Variants in ZHX2 observed in about 807,000 individuals in gnomAD.
ZHX2 encodes zinc fingers and homeoboxes protein 2.
In ZHX2, 6 loss-of-function variants were observed where a neutral mutation model predicts 21.9. That is an observed-to-expected ratio of 0.27 (90% confidence interval 0.15 to 0.54). The LOEUF (loss-of-function observed/expected upper bound fraction) is 0.54. ZHX2 is among the 20% of genes least tolerant of loss of function. The probability of loss-of-function intolerance (pLI) is 0.95; values close to 1 mark genes in which losing one functional copy is unlikely to be tolerated. For synonymous variants in ZHX2, 434 were observed against 437.1 expected (o/e 0.99, Z 0.09); for missense variants, 908 against 1,090.7 (o/e 0.83, Z 2.36).
chr8:122,875,031 G>A (rs1819529035), intron 2 of ZHX2, among the ~76,000 whole-genome samples: 1 of 150,404 alleles, frequency 6.6e-6, no homozygotes, highest in African/African-American at 2.5e-5. Flanking sequence ...CACCATGGCT[G>A]GTTTTATTTT....
rs113840956 is a variant in ZHX2, at chr8:122,828,902, CATTT to C, written c.-282-34568_-282-34565del. On this transcript the variant is annotated intron_variant, in intron 1 of 3. Coordinates refer to ENST00000314393, the MANE Select transcript of ZHX2 (RefSeq NM_014943.5). The surrounding 1 kb of genome is among the most constrained non-coding windows in gnomAD (Gnocchi z 5.2). ...ACCCAGGAGATGGCAGATAATAATTCATTTATTTATCCACTACAAATTGAAGAAA... is the reference window on the plus strand; with the variant it reads ...ACCCAGGAGATGGCAGATAATAATTCATTTATCCACTACAAATTGAAGAAA... Among the ~76,000 whole-genome samples, 2,869 of 152,098 alleles carry C rather than the reference CATTT, an allele frequency of 0.019. 65 individuals carry two copies. The highest frequency in any genetic ancestry group is 0.064 in the African/African-American group (2,670 of 41,464).
chr8:122,954,137 G>T lies in ZHX2; in HGVS notation c.*4+109G>T, dbSNP rs569430479. ...TACAGAGATGTTGACACAGATGGTG[G>T]CGTCTTTTTCTTGTAATTAACAAAT... On this transcript the variant is annotated intron_variant, in intron 3 of 3. Transcript: ENST00000314393. 7.1e-5 allele frequency: 71 copies of T among 1,003,940 alleles called. No homozygotes were observed. In the African/African-American group the frequency reaches 1.1e-3, roughly 15 times the overall value. 62.2% of individuals were successfully genotyped at this position (1,003,940 alleles called of 1,614,324 possible).
chr8:122,849,045 C>T (rs1818824538), intron 1 of ZHX2, among the ~76,000 whole-genome samples: 2 of 152,198 alleles, frequency 1.3e-5, no homozygotes, highest in Non-Finnish European at 2.9e-5. Flanking sequence ...CTCAGCAAAG[C>T]CCTGAATCCA....
At chr8:122,886,199 G>T (rs886438033) in intron 2 of ZHX2, among the ~76,000 whole-genome samples, 1 of 152,180 alleles carries the variant, frequency 6.6e-6, no homozygotes, top group African/African-American at 2.4e-5. Context: ...AACCTTCAAT[G>T]CATATTGCTA....
intron 2 of ZHX2, among the ~76,000 whole-genome samples, chr8:122,944,248 C>G (rs1321554563): frequency 6.6e-6 from 1 of 152,182 alleles, no homozygotes; most frequent in Non-Finnish European, 1.5e-5. Flanking sequence ...GACATTTACC[C>G]TCTCTGGTCT....
intron 2 of ZHX2, among the ~76,000 whole-genome samples, chr8:122,873,928 A>C (rs1038439874): frequency 6.6e-6 from 1 of 152,204 alleles, no homozygotes; most frequent in African/African-American, 2.4e-5. Flanking sequence ...GCAGTTTCTC[A>C]GACTCTGACG....
At chr8:122,957,480 T>C (rs2130319768) in intron 3 of ZHX2, among the ~76,000 whole-genome samples, 1 of 152,122 alleles carries the variant, frequency 6.6e-6, no homozygotes, top group East Asian at 1.9e-4. Context: ...TGTTTTGTTT[T>C]GTTTTGAGAT....
intron 3 of ZHX2, among the ~76,000 whole-genome samples, chr8:122,960,144 G>T (rs1050924021): frequency 1.3e-5 from 2 of 152,172 alleles, no homozygotes; most frequent in Admixed American, 1.3e-4. Context: ...AAACAAAAAT[G>T]AAAGTTGCTA....
At chr8:122,836,309 G>A (rs1309240869) in intron 1 of ZHX2, among the ~76,000 whole-genome samples, 2 of 152,142 alleles carry the variant, frequency 1.3e-5, no homozygotes, top group Non-Finnish European at 2.9e-5. Flanking sequence ...ACCAGTAGGC[G>A]AGATCAGTGA....
intron 1 of ZHX2, among the ~76,000 whole-genome samples, chr8:122,854,004 G>T (rs993096779): frequency 6.6e-6 from 1 of 152,146 alleles, no homozygotes; most frequent in Non-Finnish European, 1.5e-5. Context: ...TCCTGAGAGC[G>T]CCTCAGTGAA....
At chr8:122,836,683 C>G (rs1818505482) in intron 1 of ZHX2, among the ~76,000 whole-genome samples, 1 of 152,238 alleles carries the variant, frequency 6.6e-6, no homozygotes, top group African/African-American at 2.4e-5. Flanking sequence ...TGGATGGCCT[C>G]TTTCTTGATC....
chr8:122,954,706 C>T (rs1003790369), intron 3 of ZHX2, among the ~76,000 whole-genome samples: 4 of 152,162 alleles, frequency 2.6e-5, no homozygotes, highest in African/African-American at 4.8e-5. Flanking sequence ...GGGGCAGCAC[C>T]GCTGGCTGTG....
intron 1 of ZHX2, among the ~76,000 whole-genome samples, chr8:122,829,939 A>G (rs1325134190): frequency 6.6e-6 from 1 of 152,200 alleles, no homozygotes; most frequent in Non-Finnish European, 1.5e-5. Context: ...GAGAGTCTGA[A>G]TGTGCCACAT....
chr8:122,859,038 A>G (rs1819102192), intron 1 of ZHX2, among the ~76,000 whole-genome samples: 1 of 152,182 alleles, frequency 6.6e-6, no homozygotes, highest in South Asian at 2.1e-4. Context: ...CCCCTCCACA[A>G]CCCAAGGAGG....
chr8:122,935,620 C>T (rs1428067491), intron 2 of ZHX2, among the ~76,000 whole-genome samples: 1 of 150,816 alleles, frequency 6.6e-6, no homozygotes, highest in Non-Finnish European at 1.5e-5. Flanking sequence ...ACTGCAAGCT[C>T]CGCCTCCCAA....
At chr8:122,788,683 C>T (rs1289908254) in intron 1 of ZHX2, among the ~76,000 whole-genome samples, 3 of 152,184 alleles carry the variant, frequency 2.0e-5, no homozygotes, top group Non-Finnish European at 4.4e-5. Flanking sequence ...CAGTCTGATT[C>T]CAGAGCTTTC....
At chr8:122,822,949 A>T (rs1284229124) in intron 1 of ZHX2, among the ~76,000 whole-genome samples, 1 of 152,236 alleles carries the variant, frequency 6.6e-6, no homozygotes, top group East Asian at 1.9e-4. Context: ...ATCCGATTTC[A>T]GCTGTGAGAA....
rs1034251556 is a variant in ZHX2 at position 122,951,441 on chromosome 8, C to T, written c.-70C>T. 6.5e-6 allele frequency: 9 copies of T among 1,378,454 alleles called. No homozygotes were observed. In the East Asian group the frequency reaches 7.4e-5, roughly 11 times the overall value. 85.4% of individuals were successfully genotyped at this position (1,378,454 alleles called of 1,614,324 possible). On this transcript the variant is annotated 5_prime_UTR_variant, in exon 3 of 4. Transcript: ENST00000314393. ...AAAGCCAAAAGCCTTTCACCTTATT[C>T]GTTCCAAGAATCTCACCGCCCCCTC...
intron 3 of ZHX2, among the ~76,000 whole-genome samples, chr8:122,954,587 G>T (rs1813245280): frequency 6.6e-6 from 1 of 152,212 alleles, no homozygotes; most frequent in South Asian, 2.1e-4. Flanking sequence ...GGGATTACAG[G>T]CATGAGCCAC....
Sources: gnomAD v4.1 joint callset for allele counts (sites outside exome capture counted in the v4.1 genomes callset) on GRCh38, gnomAD v4.1.1 for gene constraint, Gnocchi (gnomAD v3.1) non-coding constraint, MANE v1.5 for transcripts, NCBI Gene and HGNC (gene_info 2026-07-23, HGNC 2026-07-21) for gene names.